Variants in RRM2B observed in about 807,000 individuals in gnomAD.
RRM2B encodes the protein ribonucleoside-diphosphate reductase subunit M2 B.
In RRM2B, 20 loss-of-function variants were observed where a neutral mutation model predicts 45.9. That is an observed-to-expected ratio of 0.44 (90% confidence interval 0.31 to 0.63). RRM2B has a LOEUF of 0.63. Ranked by LOEUF, RRM2B falls within the 30% of genes least tolerant of loss-of-function variation. The pLI is 0.09. For missense variants in RRM2B, 320 were observed against 414.7 expected, an observed-to-expected ratio of 0.77 and a Z score of 1.98; for synonymous variants, 124 against 132.3, an observed-to-expected ratio of 0.94 and a Z score of 0.43.
chr8:102,233,848 G>A (rs1005257658), intron 1 of RRM2B, among the ~76,000 whole-genome samples: 12 of 152,026 alleles, frequency 7.9e-5, no homozygotes, highest in Non-Finnish European at 1.0e-4. Flanking sequence ...GTCTTGCTCC[G>A]TCACCCAGGC....
At chr8:102,224,172 A>G in intron 4 of RRM2B, 32 bp from the exon 5 acceptor site, 2 of 1,366,026 alleles carry the variant, frequency 1.5e-6, no homozygotes, top group Non-Finnish European at 2.1e-6. Context: ...CAGCAAAGTT[A>G]TTCACTTGTT....
At chr8:102,232,875 C>G (rs1264115861) in intron 1 of RRM2B, among the ~76,000 whole-genome samples, 1 of 152,188 alleles carries the variant, frequency 6.6e-6, no homozygotes, top group African/African-American at 2.4e-5. Flanking sequence ...CAATTTGTTA[C>G]TGCTATTTAC....
chr8:102,220,566 G>A (rs765972582), intron 5 of RRM2B, among the ~76,000 whole-genome samples: 38 of 152,216 alleles, frequency 2.5e-4, no homozygotes, highest in Admixed American at 4.6e-4. Context: ...AGCCTCTGAC[G>A]TAGCTGGGAC....
At chr8:102,210,357 T>C (rs981479398) in intron 8 of RRM2B, among the ~76,000 whole-genome samples, 4 of 152,156 alleles carry the variant, frequency 2.6e-5, no homozygotes, top group Non-Finnish European at 5.9e-5. Flanking sequence ...ATAGACTCAC[T>C]AGATGTTAGA....
At chr8:102,220,291 T>C (rs1479449204) in intron 5 of RRM2B, among the ~76,000 whole-genome samples, 2 of 152,220 alleles carry the variant, frequency 1.3e-5, no homozygotes, top group African/African-American at 2.4e-5. Flanking sequence ...TAGTTTAACA[T>C]ATAACTTACT....
At chr8:102,237,682 C>T (rs1275640407) in intron 1 of RRM2B, among the ~76,000 whole-genome samples, 1 of 152,168 alleles carries the variant, frequency 6.6e-6, no homozygotes, top group Admixed American at 6.5e-5. Flanking sequence ...AGGTGTTAAG[C>T]CTGAATCACT....
chr8:102,226,052 T>C lies in RRM2B; in HGVS notation c.205-18A>G. 1 of 1,496,168 alleles carries C rather than the reference T, an allele frequency of 6.7e-7. No homozygotes were observed. The highest frequency in any genetic ancestry group is 9.3e-7 in the Non-Finnish European group (1 of 1,073,230). 92.7% of individuals were successfully genotyped at this position (1,496,168 alleles called of 1,614,324 possible). A position where few individuals can be genotyped will look rare whatever the true frequency, so the allele number is the denominator to read the frequency against. Reference sequence around the variant, plus strand: ...AAGTCGACCTGGAATAAAAAGATTTTCAAAAATTTTAATTTGGAGTTAAGT... The same window carrying C: ...AAGTCGACCTGGAATAAAAAGATTTCCAAAAATTTTAATTTGGAGTTAAGT... On this transcript the variant is annotated intron_variant, in intron 2 of 8. Transcript: ENST00000251810.
intron 3 of RRM2B, among the ~76,000 whole-genome samples, chr8:102,225,228 CTTTTTTT>C (rs918693739): frequency 1.3e-3 from 117 of 87,530 alleles, no homozygotes; most frequent in African/African-American, 5.0e-3. Context: ...ATAGTATATT[CTTTTTTT>C]TTTTTTTTTT....
intron 1 of RRM2B, among the ~76,000 whole-genome samples, chr8:102,236,598 A>G (rs986590142): frequency 2.6e-5 from 4 of 152,190 alleles, no homozygotes; most frequent in African/African-American, 9.7e-5. Flanking sequence ...TGGGGGACAC[A>G]GGGTCAGTGA....
rs182052034 is a variant in RRM2B at position 102,204,706 on chromosome 8, A to C, written c.*3427T>G. 1.2e-3 allele frequency: 185 copies of C among 152,168 alleles called. 1 individual carries two copies. Among genetic ancestry groups the C allele is most frequent in the African/African-American group, 4.2e-3 (176 of 41,550 alleles). The allele number at this position is 152,168 out of a possible 1,614,324, so 9.4% of individuals were successfully genotyped here. On this transcript the variant is annotated 3_prime_UTR_variant, in exon 9 of 9. Transcript: ENST00000251810. ...TTGATTGACCATAATGTATTTCAGCAAAAAAAATTTAGATACACCACACAT... is the reference window on the plus strand; with the variant it reads ...TTGATTGACCATAATGTATTTCAGCCAAAAAAATTTAGATACACCACACAT...
chr8:102,218,792 A>G, intron 6 of RRM2B, 22 bp downstream of exon 6: 1 of 1,590,038 alleles, frequency 6.3e-7, no homozygotes, highest in Non-Finnish European at 8.6e-7. Context: ...AAATATAACT[A>G]GAAAAACATT....
intron 1 of RRM2B, among the ~76,000 whole-genome samples, chr8:102,232,827 A>G (rs768217939): frequency 6.6e-6 from 1 of 152,202 alleles, no homozygotes; most frequent in Non-Finnish European, 1.5e-5. Flanking sequence ...CTCATTACCT[A>G]CAACTTAACC....
intron 1 of RRM2B, chr8:102,238,561 C>G (rs1166340520): frequency 6.6e-6 from 10 of 1,517,008 alleles, no homozygotes; most frequent in African/African-American, 1.4e-5. Context: ...AGTCTCACCC[C>G]GGCCTGAGGC....
chr8:102,213,480 T>C (rs1452467656), intron 7 of RRM2B, among the ~76,000 whole-genome samples: 8 of 152,170 alleles, frequency 5.3e-5, no homozygotes, highest in Non-Finnish European at 8.8e-5. Context: ...TTTTCCTCTT[T>C]CAATATACAA....
chr8:102,223,357 A>G (rs1326732973), intron 5 of RRM2B, among the ~76,000 whole-genome samples: 6 of 152,284 alleles, frequency 3.9e-5, no homozygotes, highest in Admixed American at 2.0e-4. Flanking sequence ...GAGAAACTAG[A>G]TATTTGTTTC....
rs765218846 is a variant in RRM2B, at chr8:102,224,109, G to T, written c.487C>A (p.Pro163Thr). The T allele has an allele frequency of 6.2e-7, 1 of 1,612,180 alleles. No individual in the cohort carries two copies. The highest frequency in any genetic ancestry group is 2.2e-5 in the East Asian group (1 of 44,864). The change falls in exon 5 of 9, where the codon CCC becomes ACC. Residue 163 changes from proline (P) to threonine (T), a missense_variant. Coordinates refer to ENST00000251810, the MANE Select transcript of RRM2B (RefSeq NM_015713.5). ...CAATCTGCTTTTTTCTTAACATAGG[G>T]CATGGTTTCAATTGCATTAAATAAA... ...EFLFNAIETMPYVKKKADWAL... is the reference protein window; with the variant it reads ...EFLFNAIETMTYVKKKADWAL...
chr8:102,236,399 C>A (rs1272376331), intron 1 of RRM2B, among the ~76,000 whole-genome samples: 1 of 152,040 alleles, frequency 6.6e-6, no homozygotes, highest in Non-Finnish European at 1.5e-5. Flanking sequence ...ATCAGAAAAC[C>A]ACGTATAGGA....
chr8:102,209,462 T>A (rs767118572), intron 8 of RRM2B, among the ~76,000 whole-genome samples: 3 of 152,168 alleles, frequency 2.0e-5, no homozygotes, highest in African/African-American at 4.8e-5. Context: ...CTCGGATGGC[T>A]ATAATTTTTT....
intron 1 of RRM2B, among the ~76,000 whole-genome samples, chr8:102,235,836 C>T (rs1475713812): frequency 1.3e-5 from 2 of 150,840 alleles, no homozygotes; most frequent in Non-Finnish European, 3.0e-5. Context: ...AGTGAGACTC[C>T]GTCTCAAAAA....
Sources: allele counts gnomAD v4.1 joint callset (sites outside exome capture counted in the v4.1 genomes callset), GRCh38; gene constraint gnomAD v4.1.1; transcripts MANE v1.5; gene names NCBI Gene and HGNC (gene_info 2026-07-23, HGNC 2026-07-21).